USP25: variants seen among roughly 807,000 people sequenced by gnomAD.
USP25 encodes the protein ubiquitin carboxyl-terminal hydrolase 25.
USP25 carries 85 observed loss-of-function variants against 158.5 expected under a neutral mutation model. The observed-to-expected ratio is 0.54, with a 90% CI of 0.45 to 0.64. The LOEUF is 0.64. USP25 is among the 30% of genes least tolerant of loss of function. USP25 has a pLI of 0.00. For synonymous variants in USP25, 464 were observed against 460.4 expected, an observed-to-expected ratio of 1.01 and a Z score of -0.10; for missense variants, 1,242 against 1,327.3, an observed-to-expected ratio of 0.94 and a Z score of 1.00.
chr21:15,846,159 T>TATATATATATA (rs1491482746), intron 18 of USP25, among the ~76,000 whole-genome samples: 1 of 20,194 alleles, frequency 5.0e-5, no homozygotes. Context: ...TATATATATA[T>TATATATATATA]TTTTTTTTTT....
At chr21:15,737,099 T>A (rs997869752) in intron 1 of USP25, among the ~76,000 whole-genome samples, 3 of 152,138 alleles carry the variant, frequency 2.0e-5, no homozygotes, top group Non-Finnish European at 4.4e-5. Flanking sequence ...TTTCCTCATC[T>A]TCATTTAAAA....
Position 15,791,491 on chromosome 21 carries a change from C to A in USP25, c.393-11C>A. The A allele has an allele frequency of 6.3e-7, 1 of 1,583,308 alleles. No individual in the cohort carries two copies. The highest frequency in any genetic ancestry group is 1.2e-5 in the South Asian group (1 of 84,892). On this transcript the variant is annotated splice_polypyrimidine_tract_variant and intron_variant, in intron 4 of 25. Coordinates refer to ENST00000400183, the MANE Select transcript of USP25 (RefSeq NM_001283041.3). Reference sequence around the variant, plus strand: ...TATATAATGCTGCATTTTTTTCCACCATTGATTAAGAGTTCTTGAAGCCAG... The same window carrying A: ...TATATAATGCTGCATTTTTTTCCACAATTGATTAAGAGTTCTTGAAGCCAG...
intron 4 of USP25, among the ~76,000 whole-genome samples, chr21:15,780,971 G>A (rs913804429): frequency 3.9e-5 from 6 of 152,218 alleles, no homozygotes; most frequent in Non-Finnish European, 8.8e-5. Flanking sequence ...ACCATTTAAG[G>A]TGTGTTATGT....
intron 24 of USP25, chr21:15,876,806 A>C (rs770770567): frequency 5.9e-5 from 9 of 152,222 alleles, no homozygotes; most frequent in Non-Finnish European, 1.3e-4. Flanking sequence ...TCTTTCCAAA[A>C]TCAAAATAAA....
chr21:15,851,135 A>G (rs2038867569), intron 20 of USP25, among the ~76,000 whole-genome samples: 2 of 151,840 alleles, frequency 1.3e-5, no homozygotes, highest in South Asian at 2.1e-4. Context: ...AACACTGAAT[A>G]TATGTCCTCT....
At chr21:15,824,277 A>G (rs2037378563) in intron 11 of USP25, 111 bp downstream of exon 11, 3 of 1,264,366 alleles carry the variant, frequency 2.4e-6, no homozygotes, top group African/African-American at 1.5e-5. Context: ...CTACTTTTGC[A>G]TAATATACCT....
intron 20 of USP25, among the ~76,000 whole-genome samples, chr21:15,851,493 C>T (rs1420387601): frequency 1.4e-5 from 2 of 145,976 alleles, no homozygotes; most frequent in African/African-American, 5.5e-5. Context: ...GACACAGCTC[C>T]TATCCCCCAT....
At chr21:15,815,038 G>A (rs919545385) in intron 9 of USP25, among the ~76,000 whole-genome samples, 1 of 152,196 alleles carries the variant, frequency 6.6e-6, no homozygotes, top group Non-Finnish European at 1.5e-5. Context: ...GCTGTGTGCA[G>A]CCTAGGAACT....
At chr21:15,840,743 A>G (rs187227742) in intron 17 of USP25, among the ~76,000 whole-genome samples, 15 of 152,288 alleles carry the variant, frequency 9.8e-5, no homozygotes, top group East Asian at 3.9e-4. Flanking sequence ...CTAAGAACCA[A>G]TTTTACAAAG....
intron 5 of USP25, among the ~76,000 whole-genome samples, chr21:15,794,597 A>G (rs2035765704): frequency 6.6e-6 from 1 of 151,594 alleles, no homozygotes; most frequent in South Asian, 2.1e-4. Flanking sequence ...TTCCATTTGG[A>G]TGCCGAGAAG....
intron 4 of USP25, among the ~76,000 whole-genome samples, chr21:15,785,919 GAAA>G (rs939301812): frequency 1.5e-5 from 2 of 132,960 alleles, no homozygotes; most frequent in Admixed American, 1.5e-4. Flanking sequence ...AAGAAAAAAG[GAAA>G]AAAAAAAAGA....
At chr21:15,850,859 G>A (rs2038853763) in intron 20 of USP25, among the ~76,000 whole-genome samples, 1 of 151,846 alleles carries the variant, frequency 6.6e-6, no homozygotes, top group Admixed American at 6.6e-5. Flanking sequence ...CGGGACTGAG[G>A]GATTTCCTGG....
chr21:15,812,523 C>T lies in USP25; in HGVS notation c.931+1313C>T, dbSNP rs1248933680. Among the ~76,000 whole-genome samples the T allele has an allele frequency of 2.0e-5, 3 of 151,992 alleles. 1 individual carries two copies. Among genetic ancestry groups the T allele is most frequent in the Middle Eastern group, 6.8e-3 (2 of 294 alleles). On this transcript the variant is annotated intron_variant, in intron 9 of 25. Coordinates refer to ENST00000400183, the MANE Select transcript of USP25 (RefSeq NM_001283041.3). ...AAAATTAGCCAGGCGTGGTGGCAGG[C>T]GCCTGTAGTCCCAGCTACTCAGGAG... is the stretch of plus-strand genomic sequence containing the variant.
intron 6 of USP25, among the ~76,000 whole-genome samples, chr21:15,804,142 A>G (rs1294360777): frequency 6.6e-6 from 1 of 151,972 alleles, no homozygotes; most frequent in Admixed American, 6.6e-5. Flanking sequence ...CTTGTTTTAA[A>G]ATACATTGTT....
chr21:15,833,480 A>G lies in USP25; in HGVS notation c.2126A>G (p.Gln709Arg). 1 of 1,614,138 alleles carries G rather than the reference A, an allele frequency of 6.2e-7. No individual in the cohort carries two copies. The highest frequency in any genetic ancestry group is 8.5e-7 in the Non-Finnish European group (1 of 1,179,992). ...GAAGAATGGGATGCACAACTTGCCC[A>G]GAAAGCTTTGCAGGAAAAGCTTTTA... ...ELEEWDAQLA[Q>R]KALQEKLLAS... Residue 709 changes from glutamine (Q) to arginine (R), a missense_variant, in exon 17 of 26, where the codon CAG becomes CGG. Gln to Arg is a conservative substitution (Grantham distance 43). This residue lies in a region of USP25 where 608 missense variants were observed against 605.2 expected (regional missense o/e 1.00). Transcript: ENST00000400183.
At chr21:15,735,984 G>A (rs944484194) in intron 1 of USP25, among the ~76,000 whole-genome samples, 24 of 146,948 alleles carry the variant, frequency 1.6e-4, no homozygotes, top group Non-Finnish European at 2.6e-4. Context: ...GTGTGTGTAT[G>A]TGTGTGTGTG....
chr21:15,832,392 T>G (rs1184298876), intron 16 of USP25, among the ~76,000 whole-genome samples: 1 of 152,234 alleles, frequency 6.6e-6, no homozygotes, highest in African/African-American at 2.4e-5. Context: ...AAAAATAATC[T>G]TTTTATATTT....
At chr21:15,866,838 A>T (rs1319761444) in intron 22 of USP25, among the ~76,000 whole-genome samples, 2 of 152,158 alleles carry the variant, frequency 1.3e-5, no homozygotes, top group Non-Finnish European at 2.9e-5. Flanking sequence ...AAAATAAGGC[A>T]TAGAGCAGTG....
intron 3 of USP25, among the ~76,000 whole-genome samples, chr21:15,767,534 C>T (rs889735866): frequency 2.6e-5 from 4 of 151,904 alleles, no homozygotes; most frequent in Non-Finnish European, 5.9e-5. Flanking sequence ...AAAGCTCTTT[C>T]AAAACCAATG....
Sources: gnomAD v4.1 joint callset for allele counts (sites outside exome capture counted in the v4.1 genomes callset) on GRCh38, gnomAD v4.1.1 for gene constraint, gnomAD v4.1.1 regional missense constraint, MANE v1.5 for transcripts, NCBI Gene and HGNC (gene_info 2026-07-23, HGNC 2026-07-21) for gene names.